GCNA: variants seen among roughly 807,000 people sequenced by gnomAD.
GCNA encodes the protein germ cell nuclear acidic protein.
Under a neutral mutation model 38.8 loss-of-function variants are expected in GCNA, and 3 were observed. The observed-to-expected ratio is 0.08, with a 90% confidence interval of 0.04 to 0.20. The LOEUF is 0.20. Among genes scored for constraint, GCNA ranks in the 10% least tolerant of loss-of-function variants. GCNA has a pLI of 1.00. For synonymous variants in GCNA, 195 were observed against 240.2 expected (o/e 0.81, Z 1.74); for missense variants, 446 against 578.6 (o/e 0.77, Z 2.35).
At chrX:71,612,839 T>C in intron 12 of GCNA, 23 bp from the exon 13 acceptor site, 1 of 1,206,956 alleles carries the variant, frequency 8.3e-7, no homozygotes, top group Non-Finnish European at 1.1e-6. Context: ...TCTTTTGTTG[T>C]GTGTTGTTCC....
At chrX:71,602,082 C>T (rs1034180829) in intron 7 of GCNA, among the ~76,000 whole-genome samples, 10 of 112,395 alleles carry the variant, frequency 8.9e-5, no homozygotes, top group Non-Finnish European at 1.5e-4. Context: ...CAGCAATGTA[C>T]AAGGGTTCCC....
At chrX:71,585,922 T>A (rs1371730362) in intron 2 of GCNA, among the ~76,000 whole-genome samples, 1 of 108,627 alleles carries the variant, frequency 9.2e-6, no homozygotes, top group Non-Finnish European at 1.9e-5. Context: ...AAAATACTTA[T>A]TGAATCCTGA....
chrX:71,612,308 A>AT, intron 11 of GCNA, 47 bp from the exon 12 acceptor site: 8 of 712,807 alleles, frequency 1.1e-5, no homozygotes, highest in South Asian at 3.1e-5. Flanking sequence ...AAAAAAAAAA[A>AT]GAGGATTGGT....
intron 10 of GCNA, among the ~76,000 whole-genome samples, chrX:71,610,104 T>A (rs2040798686): frequency 9.0e-6 from 1 of 111,203 alleles, no homozygotes; most frequent in African/African-American, 3.3e-5. Context: ...CACTCACGTG[T>A]TCTATCAATC....
rs749840112 is a variant in GCNA, at chrX:71,605,697, C to T, written c.1434C>T (p.Pro478=). ...HKKRGPSKKK[P]GAAKVEKRKT... ...AGCGTGGGCCTTCAAAGAAGAAACC[C>T]GGTGCAGCAAAAGTTGAAAAACGCA... Residue 478 remains proline, a synonymous_variant, in exon 9 of 13, where the codon CCC becomes CCT. Coordinates refer to ENST00000373696, the MANE Select transcript of GCNA (RefSeq NM_052957.5). The T allele has an allele frequency of 8.3e-6, 10 of 1,208,196 alleles. No individual in the cohort carries two copies. In the East Asian group the frequency reaches 1.8e-4, roughly 22 times the overall value.
intron 2 of GCNA, among the ~76,000 whole-genome samples, chrX:71,586,326 T>C (rs1435278507): frequency 9.0e-6 from 1 of 111,441 alleles, no homozygotes; most frequent in African/African-American, 3.3e-5. Context: ...GCATGTATCA[T>C]ACATTTGATG....
At chrX:71,609,299 T>C (rs2040792614) in intron 10 of GCNA, among the ~76,000 whole-genome samples, 182 bp downstream of exon 10, 1 of 112,043 alleles carries the variant, frequency 8.9e-6, no homozygotes, top group Non-Finnish European at 1.9e-5. Flanking sequence ...ATAGGACAGA[T>C]GGCTGTTACC....
intron 2 of GCNA, among the ~76,000 whole-genome samples, chrX:71,581,683 T>G (rs1290489411): frequency 1.8e-5 from 2 of 112,221 alleles, no homozygotes; most frequent in East Asian, 5.5e-4. Flanking sequence ...TTTGCCTTAT[T>G]GCTTATGCCA....
At chrX:71,612,273 C>A (rs1393889867) in intron 11 of GCNA, 82 bp from the exon 12 acceptor site, 23 of 792,054 alleles carry the variant, frequency 2.9e-5, no homozygotes, top group Non-Finnish European at 3.7e-5. Context: ...GCAAGACTAT[C>A]TCAAAAAAGG....
At chrX:71,580,981 C>A in intron 2 of GCNA, 101 bp downstream of exon 2, 2 of 791,117 alleles carry the variant, frequency 2.5e-6, no homozygotes, top group Non-Finnish European at 3.6e-6. Flanking sequence ...ATCTGTAGAG[C>A]GTATAACTTG....
chrX:71,609,931 A>G (rs1027031253), intron 10 of GCNA, among the ~76,000 whole-genome samples: 4 of 111,979 alleles, frequency 3.6e-5, no homozygotes, highest in African/African-American at 9.7e-5. Context: ...ACATATTCCT[A>G]AAGGTTCCCC....
chrX:71,579,196 C>G (rs1313703671), intron 1 of GCNA, among the ~76,000 whole-genome samples: 1 of 93,675 alleles, frequency 1.1e-5, no homozygotes, highest in Non-Finnish European at 2.1e-5. Context: ...GGTGGGGGCC[C>G]CAGTGGTGGT....
intron 7 of GCNA, among the ~76,000 whole-genome samples, chrX:71,603,271 G>C (rs1384091727): frequency 8.9e-6 from 1 of 112,072 alleles, no homozygotes; most frequent in Non-Finnish European, 1.9e-5. Flanking sequence ...GGCCTTTCAT[G>C]ATTCCATATA....
intron 1 of GCNA, among the ~76,000 whole-genome samples, chrX:71,579,669 G>A (rs1258578937): frequency 9.3e-6 from 1 of 107,798 alleles, no homozygotes; most frequent in Non-Finnish European, 1.9e-5. Flanking sequence ...GTGGTGGTGG[G>A]AGACAGGAGT....
chrX:71,580,783 C>G, intron 1 of GCNA, 37 bp from the exon 2 acceptor site: 1 of 1,175,188 alleles, frequency 8.5e-7, no homozygotes, highest in Non-Finnish European at 1.1e-6. Flanking sequence ...CGAGTTCTGG[C>G]TTTCTTAAGA....
chrX:71,609,369 C>T (rs1279793835), intron 10 of GCNA, among the ~76,000 whole-genome samples: 1 of 111,939 alleles, frequency 8.9e-6, no homozygotes, highest in Non-Finnish European at 1.9e-5. Flanking sequence ...AGTAAGATTA[C>T]CTGGAGGAAG....
At chrX:71,591,530 C>T (rs1371800704) in intron 2 of GCNA, among the ~76,000 whole-genome samples, 2 of 102,051 alleles carry the variant, frequency 2.0e-5, no homozygotes, top group Non-Finnish European at 4.0e-5. Context: ...ACACCCTTAA[C>T]GGGGACCTCC....
chrX:71,603,565 T>G (rs768884288), intron 7 of GCNA, 23 bp from the exon 8 acceptor site: 5 of 1,194,861 alleles, frequency 4.2e-6, no homozygotes, highest in Admixed American at 4.5e-5. Flanking sequence ...TATTTACATA[T>G]GATTGTGTCT....
chrX:71,612,306 AAAG>A, intron 11 of GCNA, 46 bp from the exon 12 acceptor site: 5 of 832,001 alleles, frequency 6.0e-6, no homozygotes, highest in African/African-American at 2.1e-5. Context: ...AAAAAAAAAA[AAAG>A]AGGATTGGTT....
Sources: gnomAD v4.1 joint callset for allele counts (sites outside exome capture counted in the v4.1 genomes callset) on GRCh38, gnomAD v4.1.1 for gene constraint, MANE v1.5 for transcripts, NCBI Gene and HGNC (gene_info 2026-07-23, HGNC 2026-07-21) for gene names.